LPP: variants seen among roughly 807,000 people sequenced by gnomAD.
LPP encodes LIM domain containing preferred translocation partner in lipoma.
In LPP, 38 loss-of-function variants were observed where a neutral mutation model predicts 60.4. The observed-to-expected ratio is 0.63, with a 90% CI of 0.49 to 0.83. LPP has a LOEUF of 0.83. LPP is among the 40% of genes least tolerant of loss of function. LPP has a pLI of 0.00. For synonymous variants in LPP, 328 were observed against 290.8 expected (o/e 1.13, Z -1.30); for missense variants, 902 against 783.6 (o/e 1.15, Z -1.80).
At chr3:188,435,153 G>T (rs1357307644) in intron 4 of LPP, among the ~76,000 whole-genome samples, 2 of 152,120 alleles carry the variant, frequency 1.3e-5, no homozygotes, top group Non-Finnish European at 2.9e-5. Context: ...TGCTACACTA[G>T]TATATAAGGA....
rs190984541 is a variant in LPP at position 188,161,470 on chromosome 3, G to A, written c.-190+7218G>A. Among the ~76,000 whole-genome samples the A allele has an allele frequency of 1.4e-3, 219 of 152,250 alleles. 2 individuals carry two copies. Among genetic ancestry groups the A allele is most frequent in the African/African-American group, 4.1e-3 (171 of 41,542 alleles). On this transcript the variant is annotated intron_variant, in intron 1 of 11. Coordinates refer to ENST00000617246, the MANE Select transcript of LPP (RefSeq NM_001375462.1). ...GGCTGGGGAAAAGAATTTTTTTAATGTACACCAAAGTTTGTAGTCAACAGG... is the reference window on the plus strand; with the variant it reads ...GGCTGGGGAAAAGAATTTTTTTAATATACACCAAAGTTTGTAGTCAACAGG...
intron 2 of LPP, among the ~76,000 whole-genome samples, chr3:188,317,945 T>C (rs911112400): frequency 1.3e-5 from 2 of 152,070 alleles, no homozygotes; most frequent in African/African-American, 2.4e-5. Flanking sequence ...GAGAAGAAAG[T>C]AGAAAAATGC....
At chr3:188,388,073 A>AT (rs200651807) in intron 3 of LPP, among the ~76,000 whole-genome samples, 5,705 of 150,408 alleles carry the variant, frequency 0.038, 149 homozygotes, top group Non-Finnish European at 0.061. Context: ...ATTTCCAGTT[A>AT]TTTTTTTTTA....
At chr3:188,172,067 A>G (rs1721743984) in intron 1 of LPP, among the ~76,000 whole-genome samples, 1 of 152,202 alleles carries the variant, frequency 6.6e-6, no homozygotes, top group South Asian at 2.1e-4. Context: ...AACCTCGGCG[A>G]GGTTTGGTTC....
intron 1 of LPP, among the ~76,000 whole-genome samples, chr3:188,189,842 C>T (rs939536489): frequency 3.3e-5 from 5 of 151,528 alleles, no homozygotes; most frequent in East Asian, 1.9e-4. Context: ...TGCTGACACT[C>T]GGAGGTGGGG....
chr3:188,275,565 G>A (rs574970652), intron 2 of LPP, among the ~76,000 whole-genome samples: 2 of 152,226 alleles, frequency 1.3e-5, no homozygotes, highest in Admixed American at 6.5e-5. Flanking sequence ...CATAAACAGT[G>A]TTTTGCTATT....
At chr3:188,786,650 A>G (rs1742027377) in intron 9 of LPP, among the ~76,000 whole-genome samples, 1 of 152,172 alleles carries the variant, frequency 6.6e-6, no homozygotes, top group South Asian at 2.1e-4. Context: ...CATAGCAGCT[A>G]TATTTGTAAG....
intron 8 of LPP, among the ~76,000 whole-genome samples, chr3:188,755,863 A>G (rs931493681): frequency 8.3e-6 from 1 of 120,170 alleles, no homozygotes; most frequent in Non-Finnish European, 1.7e-5. Context: ...AAAAAAAAAA[A>G]AACAAAGAAA....
intron 3 of LPP, among the ~76,000 whole-genome samples, chr3:188,354,999 A>T (rs114688437): frequency 0.012 from 1,807 of 152,042 alleles, 43 homozygotes; most frequent in African/African-American, 0.041. Context: ...ATATATATAT[A>T]TTTTTGTTTG....
At chr3:188,510,612 C>T (rs964781051) in intron 5 of LPP, among the ~76,000 whole-genome samples, 1 of 152,184 alleles carries the variant, frequency 6.6e-6, no homozygotes, top group African/African-American at 2.4e-5. Flanking sequence ...CTTTAGATAT[C>T]AGCACCTTGG....
intron 2 of LPP, among the ~76,000 whole-genome samples, chr3:188,248,478 A>ATATATATATATATATATG (rs1553833576): frequency 1.7e-4 from 22 of 128,420 alleles, no homozygotes; most frequent in African/African-American, 5.4e-4. Context: ...TTATATATAT[A>ATATATATATATATATATG]TATATATATA....
At position 188,826,015 on chromosome 3, in the gene LPP, C is replaced by G. The variant is rs1021840974; in HGVS notation, c.1411-40185C>G. On this transcript the variant is annotated intron_variant, in intron 9 of 11. Transcript: ENST00000617246. Reference sequence around the variant, plus strand: ...AGCCTTTCTTTCCTCCCTCCGCCCCCTCAGCCTCTCACCCTGCCCTCCCAT... The same window carrying G: ...AGCCTTTCTTTCCTCCCTCCGCCCCGTCAGCCTCTCACCCTGCCCTCCCAT... 3.3e-5 allele frequency among the ~76,000 whole-genome samples: 5 copies of G among 152,138 alleles called. No individual in the cohort carries two copies. The East Asian group carries it at 5.8e-4, about 18-fold the overall frequency.
At chr3:188,276,850 A>T (rs1284793313) in intron 2 of LPP, among the ~76,000 whole-genome samples, 2 of 146,756 alleles carry the variant, frequency 1.4e-5, no homozygotes, top group African/African-American at 5.1e-5. Context: ...AGCCTGTAGA[A>T]CTGTGAGCCA....
intron 8 of LPP, among the ~76,000 whole-genome samples, chr3:188,726,006 A>C (rs1355990620): frequency 6.6e-6 from 1 of 152,178 alleles, no homozygotes; most frequent in Non-Finnish European, 1.5e-5. Context: ...AGACTAAATG[A>C]ATGATTAGTG....
At chr3:188,354,194 CT>C (rs1247748643) in intron 3 of LPP, among the ~76,000 whole-genome samples, 1 of 151,868 alleles carries the variant, frequency 6.6e-6, no homozygotes, top group East Asian at 1.9e-4. Context: ...GAGCAGTCTT[CT>C]TTTTTTAATG....
chr3:188,240,980 A>T (rs2149461504), intron 2 of LPP, among the ~76,000 whole-genome samples: 1 of 152,294 alleles, frequency 6.6e-6, no homozygotes, highest in Admixed American at 6.5e-5. Context: ...TTAAATGAAA[A>T]ATGTTAAGAT....
At chr3:188,851,534 G>T (rs1445840894) in intron 9 of LPP, among the ~76,000 whole-genome samples, 1 of 152,112 alleles carries the variant, frequency 6.6e-6, no homozygotes, top group Non-Finnish European at 1.5e-5. Flanking sequence ...CATTATTATT[G>T]CTCATATGCT....
intron 2 of LPP, among the ~76,000 whole-genome samples, chr3:188,328,924 T>A (rs1044100148): frequency 6.6e-6 from 1 of 152,206 alleles, no homozygotes; most frequent in African/African-American, 2.4e-5. Context: ...AAGAGAGTCT[T>A]AAGTGAAACT....
intron 3 of LPP, among the ~76,000 whole-genome samples, chr3:188,377,538 C>T (rs555196719): frequency 3.3e-4 from 50 of 152,302 alleles, no homozygotes; most frequent in Admixed American, 2.6e-3. Context: ...AGCTCTTGTG[C>T]CTTGGTTTTC....
Sources: gnomAD v4.1 joint callset for allele counts (sites outside exome capture counted in the v4.1 genomes callset) on GRCh38, gnomAD v4.1.1 for gene constraint, MANE v1.5 for transcripts, NCBI Gene and HGNC (gene_info 2026-07-23, HGNC 2026-07-21) for gene names.